The following TMEM11 variants were observed in gnomAD, a reference collection of about 807,000 sequenced individuals.
TMEM11 encodes the protein transmembrane protein 11.
A neutral mutation model predicts 17.0 loss-of-function variants in TMEM11; 1 was observed. The observed-to-expected ratio is 0.06, with a 90% confidence interval of 0.02 to 0.28. The LOEUF (loss-of-function observed/expected upper bound fraction) is 0.28. TMEM11 is among the 10% of genes least tolerant of loss of function. The pLI is 1.00. For missense variants in TMEM11, 172 were observed against 252.9 expected (o/e 0.68, Z 2.17); for synonymous variants, 122 against 118.1 (o/e 1.03, Z -0.21).
intron 1 of TMEM11, among the ~76,000 whole-genome samples, chr17:21,211,496 G>C (rs574805705): frequency 4.6e-5 from 7 of 152,280 alleles, no homozygotes; most frequent in African/African-American, 1.7e-4. Flanking sequence ...CATGTAGCTG[G>C]TGACTACTGA....
chr17:21,199,094 G>C (rs1483324167), intron 1 of TMEM11, among the ~76,000 whole-genome samples: 3 of 151,974 alleles, frequency 2.0e-5, no homozygotes, highest in Non-Finnish European at 4.4e-5. Flanking sequence ...GGCCGGGGGG[G>C]CGGATCATGA....
chr17:21,202,380 C>T (rs1445456734), intron 1 of TMEM11, among the ~76,000 whole-genome samples: 1 of 152,208 alleles, frequency 6.6e-6, no homozygotes, highest in African/African-American at 2.4e-5. Flanking sequence ...TGGGGTTACA[C>T]AATGTTCTCG....
At chr17:21,199,415 T>C (rs556970054) in intron 1 of TMEM11, among the ~76,000 whole-genome samples, 1 of 148,596 alleles carries the variant, frequency 6.7e-6, no homozygotes, top group Non-Finnish European at 1.5e-5. Flanking sequence ...GTGGTTAGCC[T>C]AAGGCTGTGG....
chr17:21,199,144 C>T (rs997191975), intron 1 of TMEM11, among the ~76,000 whole-genome samples: 5 of 132,268 alleles, frequency 3.8e-5, no homozygotes, highest in African/African-American at 1.4e-4. Flanking sequence ...CATGGTGAAA[C>T]CCTGTCTCTA....
At chr17:21,206,755 C>T (rs141830260) in intron 1 of TMEM11, among the ~76,000 whole-genome samples, 238 of 152,198 alleles carry the variant, frequency 1.6e-3, no homozygotes, top group African/African-American at 5.5e-3. Flanking sequence ...AGGCTAGTCT[C>T]GAACTCCTGA....
At chr17:21,204,435 TAAAAA>T (rs71160127) in intron 1 of TMEM11, among the ~76,000 whole-genome samples, 20,685 of 96,850 alleles carry the variant, frequency 0.21, 701 homozygotes, top group East Asian at 0.36. Context: ...TCCGTCTCAA[TAAAAA>T]AAAAAAAAAA....
intron 1 of TMEM11, among the ~76,000 whole-genome samples, chr17:21,212,197 G>T (rs753723001): frequency 1.1e-4 from 17 of 152,206 alleles, no homozygotes; most frequent in African/African-American, 4.1e-4. Context: ...TTATCTAGGA[G>T]AGTAGATGGT....
chr17:21,212,130 C>G (rs1481907958), intron 1 of TMEM11, among the ~76,000 whole-genome samples: 2 of 152,158 alleles, frequency 1.3e-5, no homozygotes, highest in African/African-American at 4.8e-5. Flanking sequence ...TCCAACAGAA[C>G]CTGGCTAGGG....
chr17:21,213,775 T>C (rs1007763860), intron 1 of TMEM11: 5 of 357,360 alleles, frequency 1.4e-5, no homozygotes, highest in African/African-American at 1.1e-4. Flanking sequence ...CGCGGGCAGC[T>C]AGGCGGGTCC....
At chr17:21,201,852 G>A (rs930000131) in intron 1 of TMEM11, among the ~76,000 whole-genome samples, 4 of 152,180 alleles carry the variant, frequency 2.6e-5, no homozygotes, top group Non-Finnish European at 5.9e-5. Context: ...GGCTGGTCTC[G>A]AACTCCTGGG....
At chr17:21,211,350 T>C (rs887891333) in intron 1 of TMEM11, 7 of 698,306 alleles carry the variant, frequency 1.0e-5, no homozygotes, top group African/African-American at 9.2e-5. Flanking sequence ...GTGATGGAAA[T>C]GTCCTCCACC....
At chr17:21,205,766 T>A (rs1974935589) in intron 1 of TMEM11, among the ~76,000 whole-genome samples, 1 of 151,644 alleles carries the variant, frequency 6.6e-6, no homozygotes, top group African/African-American at 2.4e-5. Flanking sequence ...TGAATCTGAC[T>A]ATACAAGTAC....
At chr17:21,213,087 A>T (rs1975020086) in intron 1 of TMEM11, 1 of 152,276 alleles carries the variant, frequency 6.6e-6, no homozygotes. Flanking sequence ...AATCAGTCAC[A>T]GAAAAGGAAT....
chr17:21,213,976 T>G, intron 1 of TMEM11, 115 bp downstream of exon 1: 4 of 1,015,274 alleles, frequency 3.9e-6, no homozygotes, highest in Non-Finnish European at 4.3e-6. Flanking sequence ...CCGGCGAGGG[T>G]AGGGGGAGCG....
chr17:21,206,674 T>C (rs1025799636), intron 1 of TMEM11, among the ~76,000 whole-genome samples: 2 of 151,970 alleles, frequency 1.3e-5, no homozygotes, highest in African/African-American at 4.8e-5. Flanking sequence ...GCAGCTGGGA[T>C]TACAGGCACG....
intron 1 of TMEM11, among the ~76,000 whole-genome samples, chr17:21,210,305 C>A (rs890062015): frequency 6.6e-6 from 1 of 152,170 alleles, no homozygotes; most frequent in African/African-American, 2.4e-5. Context: ...TCCTTACCTA[C>A]GAATCCAACT....
At position 21,198,231 on chromosome 17, in the gene TMEM11, C is replaced by T. The variant is rs753167577; in HGVS notation, c.*93G>A. 1.5e-5 allele frequency: 22 copies of T among 1,466,074 alleles called. No homozygotes were observed. Among genetic ancestry groups the T allele is most frequent in the Non-Finnish European group, 1.9e-5 (21 of 1,084,700 alleles). The allele number at this position is 1,466,074 out of a possible 1,614,324, so 90.8% of individuals were successfully genotyped here. A position where few individuals can be genotyped will look rare whatever the true frequency, so the allele number is the denominator to read the frequency against. On this transcript the variant is annotated 3_prime_UTR_variant, in exon 2 of 2. Transcript: ENST00000317635. The surrounding 1 kb of genome is among the most constrained non-coding windows in gnomAD (Gnocchi z 6.5). ...ACAAATACTAAGCCAAACACCTGCC[C>T]AGGCTCTGCTGCCTCACAGAGTGTG...
intron 1 of TMEM11, among the ~76,000 whole-genome samples, chr17:21,199,589 A>G (rs1974860886): frequency 6.6e-6 from 1 of 152,204 alleles, no homozygotes. Context: ...AGACCTCAGG[A>G]CAGATAATGC....
chr17:21,210,856 A>C (rs1974995664), intron 1 of TMEM11: 2 of 1,201,988 alleles, frequency 1.7e-6, no homozygotes, highest in Admixed American at 3.0e-5. Flanking sequence ...AGGTTGCCTC[A>C]TATCATGCTC....
Sources: allele counts gnomAD v4.1 joint callset (sites outside exome capture counted in the v4.1 genomes callset), GRCh38; gene constraint gnomAD v4.1.1; non-coding constraint Gnocchi (gnomAD v3.1); transcripts MANE v1.5; gene names NCBI Gene and HGNC (gene_info 2026-07-23, HGNC 2026-07-21).